Variants in ANKRD30B observed in about 807,000 individuals in gnomAD.
The protein encoded by ANKRD30B is ankyrin repeat domain-containing protein 30B.
A neutral mutation model predicts 202.2 loss-of-function variants in ANKRD30B; 144 were observed. That is an observed-to-expected ratio of 0.71 (90% CI 0.62 to 0.82). The LOEUF (loss-of-function observed/expected upper bound fraction) is 0.82. ANKRD30B is among the 40% of genes least tolerant of loss of function. The pLI is 0.00. For missense variants in ANKRD30B, 1,487 were observed against 1,669.1 expected (o/e 0.89, Z 1.90); for synonymous variants, 508 against 561.3 (o/e 0.91, Z 1.34).
Position 14,810,152 on chromosome 18 carries a change from A to T in ANKRD30B, c.2460A>T (p.Glu820Asp). The change falls in exon 28 of 44, where the codon GAA becomes GAT. Residue 820 changes from glutamate (E) to aspartate (D), a missense_variant. Physicochemically the swap from Glu to Asp is conservative, Grantham distance 45. Around this residue, in one of 6 missense-constraint regions of ANKRD30B, gnomAD observed 218 missense variants for 320.1 expected, o/e 0.68. Transcript: ENST00000690538. ...RKVSLPNKAL[E>D]LKDRETLKAA... ...TTTCTCTTCCAAATAAAGCCTTAGA[A>T]TTAAAGGACAGAGAAACATTAAAAG... 2 of 1,473,684 alleles carry T rather than the reference A, an allele frequency of 1.4e-6. No homozygotes were observed. Among genetic ancestry groups the T allele is most frequent in the Non-Finnish European group, 1.8e-6 (2 of 1,086,110 alleles). The allele number at this position is 1,473,684 out of a possible 1,614,324, so 91.3% of individuals were successfully genotyped here. A position where few individuals can be genotyped will look rare whatever the true frequency, so the allele number is the denominator to read the frequency against.
chr18:14,871,834 C>A, the ANKRD30B span, among the ~76,000 whole-genome samples: 1 of 152,158 alleles, frequency 6.6e-6, no homozygotes, highest in South Asian at 2.1e-4. Flanking sequence ...CAATAGAAAT[C>A]AAGTGTTGGG....
chr18:14,938,030 G>A, the ANKRD30B span, among the ~76,000 whole-genome samples: 3 of 152,200 alleles, frequency 2.0e-5, no homozygotes, highest in East Asian at 1.9e-4. Context: ...TTTCCATTCC[G>A]CACTGATGAT....
chr18:14,844,170 C>T (rs1232048544), intron 39 of ANKRD30B, among the ~76,000 whole-genome samples: 3 of 152,102 alleles, frequency 2.0e-5, no homozygotes, highest in Non-Finnish European at 4.4e-5. Context: ...CATTATATAA[C>T]TGCACCACAA....
chr18:14,828,695 T>C (rs142216376), intron 33 of ANKRD30B, among the ~76,000 whole-genome samples: 80 of 152,328 alleles, frequency 5.3e-4, no homozygotes, highest in Non-Finnish European at 9.7e-4. Context: ...TCACATTTTG[T>C]TATATGTTAA....
In ANKRD30B at chr18:14,748,524, C is replaced by T; in HGVS notation, c.105C>T (p.Tyr35=). The T allele has an allele frequency of 6.4e-7, 1 of 1,552,746 alleles. No individual in the cohort carries two copies. The highest frequency in any genetic ancestry group is 1.7e-4 in the Middle Eastern group (1 of 5,994). The stretch of plus-strand genomic sequence containing the variant: ...CTGAGAAGGACTACGGGACCATCTA[C>T]TTCGGGGATCTAGGGAAGATCCATA... ...VYTEKDYGTI[Y]FGDLGKIHTA... is the part of the protein sequence containing the mutation. The change falls in exon 1 of 44, where the codon TAC becomes TAT. Residue 35 remains tyrosine, a synonymous_variant. Transcript: ENST00000690538.
At chr18:14,796,090 A>T in intron 16 of ANKRD30B, 131 bp from the exon 17 acceptor site, 1 of 1,001,584 alleles carries the variant, frequency 1.0e-6, no homozygotes, top group Middle Eastern at 2.9e-4. Context: ...AGCCCAAAAG[A>T]CCCCAAAACC....
intron 6 of ANKRD30B, among the ~76,000 whole-genome samples, chr18:14,762,288 C>T: frequency 6.6e-6 from 1 of 152,150 alleles, no homozygotes; most frequent in Non-Finnish European, 1.5e-5. Context: ...GACAAAGTGA[C>T]TTGTGTCACT....
rs1915736356 is a variant in ANKRD30B, at chr18:14,764,230, A to C, written c.1225+140A>C. On this transcript the variant is annotated intron_variant, in intron 7 of 43. Transcript: ENST00000690538. ...AGGCAACACTTTTTAATAGTGTAGA[A>C]ATAAATAGATCTTATTCTGTAGGCC... 8 of 877,708 alleles carry C rather than the reference A, an allele frequency of 9.1e-6. No homozygotes were observed. In the South Asian group the frequency reaches 1.7e-4, roughly 19 times the overall value. The allele number at this position is 877,708 out of a possible 1,614,324, so 54.4% of individuals were successfully genotyped here.
intron 23 of ANKRD30B, 171 bp from the exon 24 acceptor site, chr18:14,803,563 T>C (rs1163023140): frequency 1.5e-6 from 1 of 645,366 alleles, no homozygotes; most frequent in African/African-American, 1.8e-5. Context: ...GAGTGTTATG[T>C]GAGGTTTTCT....
At chr18:14,791,555 G>T (rs1161385228) in intron 16 of ANKRD30B, 64 bp downstream of exon 16, 15 of 1,300,926 alleles carry the variant, frequency 1.2e-5, no homozygotes, top group Non-Finnish European at 1.6e-5. Context: ...GATGAGGAAG[G>T]ATATCCTCTA....
intron 3 of ANKRD30B, among the ~76,000 whole-genome samples, chr18:14,753,460 A>T (rs1913803520): frequency 1.3e-5 from 2 of 152,190 alleles, no homozygotes; most frequent in African/African-American, 2.4e-5. Context: ...TACACAAAGC[A>T]TGTTTCCAGT....
At chr18:14,923,672 T>C in the ANKRD30B span, among the ~76,000 whole-genome samples, 3 of 152,102 alleles carry the variant, frequency 2.0e-5, no homozygotes, top group East Asian at 3.9e-4. Context: ...GGTACCCAAG[T>C]AGGGTTAAAA....
chr18:14,938,097 T>C, the ANKRD30B span, among the ~76,000 whole-genome samples: 1 of 152,080 alleles, frequency 6.6e-6, no homozygotes, highest in African/African-American at 2.4e-5. Context: ...CCTTCACTCC[T>C]CTCCCTACAT....
At chr18:14,788,866 T>A (rs1335752847) in intron 15 of ANKRD30B, among the ~76,000 whole-genome samples, 10 of 152,170 alleles carry the variant, frequency 6.6e-5, no homozygotes, top group Admixed American at 6.5e-4. Flanking sequence ...TGTGTGCATG[T>A]GTCTTTATAG....
the ANKRD30B span, among the ~76,000 whole-genome samples, chr18:14,916,509 T>A: frequency 6.6e-6 from 1 of 152,078 alleles, no homozygotes. Context: ...GAAGAGCAGA[T>A]TCACAGCCAG....
chr18:14,934,693 A>G, the ANKRD30B span, among the ~76,000 whole-genome samples: 7 of 152,094 alleles, frequency 4.6e-5, no homozygotes, highest in African/African-American at 1.4e-4. Flanking sequence ...TGGACACTGA[A>G]GCCTGAACGT....
At chr18:14,887,022 T>C in the ANKRD30B span, among the ~76,000 whole-genome samples, 1 of 152,270 alleles carries the variant, frequency 6.6e-6, no homozygotes, top group Non-Finnish European at 1.5e-5. Context: ...CATCTATAAA[T>C]GTATTACCAA....
rs553936815 is a variant in ANKRD30B, at chr18:14,831,398, G to A, written c.2790G>A (p.Pro930=). 7 of 1,526,378 alleles carry A rather than the reference G, an allele frequency of 4.6e-6. No individual in the cohort carries two copies. Among genetic ancestry groups the A allele is most frequent in the African/African-American group, 1.4e-5 (1 of 71,738 alleles). 94.6% of individuals were successfully genotyped at this position (1,526,378 alleles called of 1,614,324 possible). ...TTTTCTCTAGTCTTTTTGGCAAACCGACTACTGAAAATTCACAGTCTACAA... is the reference window on the plus strand; with the variant it reads ...TTTTCTCTAGTCTTTTTGGCAAACCAACTACTGAAAATTCACAGTCTACAA... ...VESTFSLFGK[P]TTENSQSTKV... The change falls in exon 34 of 44, where the codon CCG becomes CCA. Residue 930 remains proline, a synonymous_variant. Transcript: ENST00000690538.
At chr18:14,925,924 G>A in the ANKRD30B span, among the ~76,000 whole-genome samples, 4 of 152,168 alleles carry the variant, frequency 2.6e-5, no homozygotes, top group African/African-American at 4.8e-5. Context: ...TGCCACAGAG[G>A]GGGCGTTTGC....
Sources: allele counts gnomAD v4.1 joint callset (sites outside exome capture counted in the v4.1 genomes callset), GRCh38; gene constraint gnomAD v4.1.1; regional missense constraint gnomAD v4.1.1; transcripts MANE v1.5; gene names NCBI Gene and HGNC (gene_info 2026-07-23, HGNC 2026-07-21).